Variants in RAF1 observed in about 807,000 individuals in gnomAD.
RAF1 encodes RAF proto-oncogene serine/threonine-protein kinase.
In RAF1, 27 loss-of-function variants were observed where a neutral mutation model predicts 81.1. The ratio of observed to expected loss-of-function variants is 0.33; its 90% CI spans 0.25 to 0.46. The LOEUF is 0.46. Ranked by LOEUF, RAF1 falls within the 20% of genes least tolerant of loss-of-function variation. RAF1 has a pLI of 1.00. For synonymous variants in RAF1, 298 were observed against 294.0 expected, an observed-to-expected ratio of 1.01 and a Z score of -0.14; for missense variants, 598 against 826.0, an observed-to-expected ratio of 0.72 and a Z score of 3.38.
At chr3:12,603,017 TA>T (rs201273382) in intron 8 of RAF1, among the ~76,000 whole-genome samples, 15 of 150,176 alleles carry the variant, frequency 1.0e-4, no homozygotes, top group Middle Eastern at 3.5e-3. Context: ...GGAATTGATT[TA>T]AAAAAAAAAC....
chr3:12,644,716 C>A, intron 1 of RAF1, among the ~76,000 whole-genome samples: 1 of 152,170 alleles, frequency 6.6e-6, no homozygotes, highest in East Asian at 1.9e-4. Flanking sequence ...AAGTTTTCTT[C>A]AAAAACGCCT....
At chr3:12,607,949 C>CAAAAAAAAAA (rs58308841) in intron 5 of RAF1, among the ~76,000 whole-genome samples, 1 of 66,862 alleles carries the variant, frequency 1.5e-5, no homozygotes, top group African/African-American at 6.0e-5. Flanking sequence ...GACTTGTCTC[C>CAAAAAAAAAA]AAAAAAAAAA....
At position 12,616,621 on chromosome 3, in the gene RAF1, AG is replaced by A. The variant is rs760237834; in HGVS notation, c.207+1893del. On this transcript the variant is annotated intron_variant, in intron 2 of 17. Coordinates refer to ENST00000442415, the MANE Select transcript of RAF1 (RefSeq NM_001354689.3). ...CTAAGTATTCAACACTACACTTGGG[AG>A]GCTCCTTAGGTTCACAAAAAAAGTA... Among the ~76,000 whole-genome samples, 20 of 152,316 alleles carry A rather than the reference AG, an allele frequency of 1.3e-4. 2 individuals carry two copies. The highest frequency in any genetic ancestry group is 3.3e-4 in the Admixed American group (5 of 15,298).
At chr3:12,607,662 A>T (rs186946900) in intron 5 of RAF1, among the ~76,000 whole-genome samples, 31 of 150,548 alleles carry the variant, frequency 2.1e-4, no homozygotes, top group Middle Eastern at 6.8e-3. Context: ...AAATAATAAT[A>T]AAAAAAAAGG....
Position 12,628,007 on chromosome 3 carries a change from C to G in RAF1, c.-26-9260G>C, listed in dbSNP as rs150842568. Among the ~76,000 whole-genome samples, 722 of 152,330 alleles carry G rather than the reference C, an allele frequency of 4.7e-3. 8 individuals are homozygous for G. Among genetic ancestry groups the G allele is most frequent in the African/African-American group, 0.016 (670 of 41,582 alleles). ...TGATGGCATGTGCCTGTAATCCCAG[C>G]TACTCGGGAGGCTGAGGCAGGATAA... On this transcript the variant is annotated intron_variant, in intron 1 of 17. Transcript: ENST00000442415.
At chr3:12,608,481 G>T (rs188479535) in intron 5 of RAF1, 2 of 444,024 alleles carry the variant, frequency 4.5e-6, no homozygotes, top group South Asian at 4.8e-5. Context: ...AAATCTTCTT[G>T]TTTTCATATC....
At chr3:12,610,872 C>A (rs1045529926) in intron 3 of RAF1, among the ~76,000 whole-genome samples, 1 of 152,130 alleles carries the variant, frequency 6.6e-6, no homozygotes, top group Non-Finnish European at 1.5e-5. Context: ...TTACTCCTAG[C>A]CTTTGAGGGG....
chr3:12,585,047 C>T (rs2058284641), intron 16 of RAF1, 66 bp from the exon 16 acceptor site: 3 of 1,613,992 alleles, frequency 1.9e-6, no homozygotes, highest in South Asian at 1.1e-5. Context: ...CAAGTCCTAA[C>T]CCTCTAGCTG....
chr3:12,602,809 G>A (rs1016388602), intron 8 of RAF1, among the ~76,000 whole-genome samples: 9 of 152,144 alleles, frequency 5.9e-5, no homozygotes, highest in African/African-American at 2.2e-4. Flanking sequence ...AGTGATTTGA[G>A]GTCTGAATGA....
intron 6 of RAF1, among the ~76,000 whole-genome samples, chr3:12,605,250 A>ATGTGTGTGTGTGTGTGTGTGTGTGTGTG (rs139616156): frequency 1.4e-5 from 2 of 144,538 alleles, no homozygotes; most frequent in Non-Finnish European, 3.0e-5. Context: ...ATTACACATT[A>ATGTGTGTGTGTGTGTGTGTGTGTGTGTG]TGTGTGTGTG....
intron 1 of RAF1, among the ~76,000 whole-genome samples, chr3:12,636,534 G>C (rs1338724001): frequency 6.6e-6 from 1 of 151,854 alleles, no homozygotes; most frequent in African/African-American, 2.4e-5. Flanking sequence ...GGCTAGGTGT[G>C]GTGGCTCATG....
At chr3:12,634,271 C>T (rs912366118) in intron 1 of RAF1, among the ~76,000 whole-genome samples, 2 of 151,572 alleles carry the variant, frequency 1.3e-5, no homozygotes, top group South Asian at 2.1e-4. Flanking sequence ...CTCAGCCTCC[C>T]GAGTAGCTGG....
Position 12,584,746 on chromosome 3 carries a change from G to T in RAF1, c.1864-89C>A, listed in dbSNP as rs932545135. The T allele has an allele frequency of 5.6e-6, 9 of 1,612,802 alleles. No homozygotes were observed. In the African/African-American group the frequency reaches 1.2e-4, roughly 22 times the overall value. The stretch of plus-strand genomic sequence containing the variant: ...CCCCACCATCTTGTAGAGGACCTGG[G>T]TCCCCTCCCTATAAAACAAAACAAA... On this transcript the variant is annotated intron_variant, in intron 17 of 17. Coordinates refer to ENST00000442415, the MANE Select transcript of RAF1 (RefSeq NM_001354689.3).
At chr3:12,584,787 A>G (rs2058269329) in intron 17 of RAF1, 60 bp downstream of exon 16, 1 of 1,613,654 alleles carries the variant, frequency 6.2e-7, no homozygotes, top group Non-Finnish European at 8.5e-7. Flanking sequence ...CCCACCTTAT[A>G]TTGCCATCTT....
chr3:12,650,689 G>C (rs1171589957), intron 1 of RAF1, among the ~76,000 whole-genome samples: 4 of 152,164 alleles, frequency 2.6e-5, no homozygotes, highest in Middle Eastern at 3.2e-3. Context: ...CATGGTCCTT[G>C]CATTTCAGAA....
rs774449238 is a variant in RAF1 at position 12,618,713 on chromosome 3, G to A, written c.9C>T (p.His3=). 1 of 1,614,152 alleles carries A rather than the reference G, an allele frequency of 6.2e-7. No homozygotes were observed. Among genetic ancestry groups the A allele is most frequent in the Non-Finnish European group, 8.5e-7 (1 of 1,180,030 alleles). ...TGATCGTCTTCCAAGCTCCCTGTAT[G>A]TGCTCCATTGATGCAGCTTAAACAA... is the stretch of plus-strand genomic sequence containing the variant. Residue 3 remains histidine, a synonymous_variant, in exon 2 of 18, where the codon CAC becomes CAT. Transcript: ENST00000442415.
At position 12,597,602 on chromosome 3, in the gene RAF1, A is replaced by C. The variant is rs189122773; in HGVS notation, c.1168+2089T>G. 6.6e-5 allele frequency among the ~76,000 whole-genome samples: 10 copies of C among 152,262 alleles called. No homozygotes were observed. In the East Asian group the frequency reaches 1.9e-3, roughly 29 times the overall value. On this transcript the variant is annotated intron_variant, in intron 11 of 17. Transcript: ENST00000442415. ...TGTTCTTTCCTAAGGAATCCTGGAG[A>C]TATTTATGCCATCTAAAATATTCTG... is the stretch of plus-strand genomic sequence containing the variant.
intron 1 of RAF1, among the ~76,000 whole-genome samples, chr3:12,642,065 T>C (rs1368515527): frequency 6.6e-6 from 1 of 151,936 alleles, no homozygotes; most frequent in African/African-American, 2.4e-5. Flanking sequence ...GAAGAATTGC[T>C]TGAACCCAGG....
intron 1 of RAF1, among the ~76,000 whole-genome samples, chr3:12,661,162 C>A (rs939856603): frequency 1.3e-5 from 2 of 152,158 alleles, no homozygotes; most frequent in Non-Finnish European, 2.9e-5. Context: ...GAAACTGCAA[C>A]TGAAGTCTGT....
Sources: gnomAD v4.1 joint callset for allele counts (sites outside exome capture counted in the v4.1 genomes callset) on GRCh38, gnomAD v4.1.1 for gene constraint, MANE v1.5 for transcripts, NCBI Gene and HGNC (gene_info 2026-07-23, HGNC 2026-07-21) for gene names.